The following UBN2 variants were observed in gnomAD, a reference collection of about 807,000 sequenced individuals.
UBN2 encodes ubinuclein-2.
In UBN2, 35 loss-of-function variants were observed where a neutral mutation model predicts 120.2. The ratio of observed to expected loss-of-function variants is 0.29; its 90% CI spans 0.22 to 0.39. UBN2 has a LOEUF of 0.39. Ranked by LOEUF, UBN2 falls within the 10% of genes least tolerant of loss-of-function variation. The pLI is 1.00. For synonymous variants in UBN2, 661 were observed against 648.7 expected (o/e 1.02, Z -0.29); for missense variants, 1,693 against 1,663.2 (o/e 1.02, Z -0.31).
At chr7:139,320,788 G>T in the UBN2 span, among the ~76,000 whole-genome samples, 2 of 151,332 alleles carry the variant, frequency 1.3e-5, no homozygotes, top group African/African-American at 4.9e-5. Flanking sequence ...ACCGGGAGGC[G>T]GAGGTTGCAG....
rs1347989808 is a variant in UBN2, at chr7:139,276,081, C to T, written c.1974-16C>T. 2 of 1,605,080 alleles carry T rather than the reference C, an allele frequency of 1.2e-6. No individual in the cohort carries two copies. Among genetic ancestry groups the T allele is most frequent in the South Asian group, 1.1e-5 (1 of 90,158 alleles). ...CTATAAAGAAAATAATAATTGTGTT[C>T]TTTAAATTTTTCCAGAATGCTTTTT... On this transcript the variant is annotated splice_polypyrimidine_tract_variant and intron_variant, in intron 11 of 17. Transcript: ENST00000473989.
At chr7:139,268,907 A>G (rs571158547) in intron 7 of UBN2, among the ~76,000 whole-genome samples, 5 of 152,314 alleles carry the variant, frequency 3.3e-5, no homozygotes, top group East Asian at 3.8e-4. Context: ...TAGCATTACT[A>G]TTTATTGGTA....
chr7:139,270,288 T>G (rs962423987), intron 8 of UBN2, among the ~76,000 whole-genome samples: 43 of 151,118 alleles, frequency 2.8e-4, no homozygotes, highest in African/African-American at 6.3e-4. Flanking sequence ...TTTTTTTTTT[T>G]TGTGACAGAG....
intron 1 of UBN2, among the ~76,000 whole-genome samples, chr7:139,233,251 C>G (rs1474525254): frequency 6.6e-6 from 1 of 152,174 alleles, no homozygotes; most frequent in Admixed American, 6.5e-5. Flanking sequence ...GTCACTTCCA[C>G]CTAACATTTT....
chr7:139,264,743 C>T (rs572650794), intron 6 of UBN2, among the ~76,000 whole-genome samples: 2 of 152,122 alleles, frequency 1.3e-5, no homozygotes, highest in Non-Finnish European at 2.9e-5. Context: ...GTGCATGCCA[C>T]CACACCCAGC....
At chr7:139,326,002 T>C in the UBN2 span, among the ~76,000 whole-genome samples, 8 of 151,618 alleles carry the variant, frequency 5.3e-5, no homozygotes, top group Non-Finnish European at 1.5e-5. Flanking sequence ...ACCAGCCTGG[T>C]CAACATGGAG....
chr7:139,311,412 G>C (rs116047726), downstream of UBN2, among the ~76,000 whole-genome samples: 490 of 152,326 alleles, frequency 3.2e-3, 1 homozygote, highest in African/African-American at 0.011. Flanking sequence ...AGGGTGGCGT[G>C]GTGTGAAGAA....
chr7:139,326,256 AAAAC>A, the UBN2 span, among the ~76,000 whole-genome samples: 13,667 of 151,594 alleles, frequency 0.09, 1,142 homozygotes, highest in African/African-American at 0.22. Context: ...ACTCTGTCTC[AAAAC>A]AAACAAACAA....
rs756966858 is a variant in UBN2 at position 139,261,354 on chromosome 7, T to A, written c.1008T>A (p.Asp336Glu). ...AMIRKFQKEK[D>E]ALKKESNPKV... ...TTAGAAAATTCCAGAAAGAGAAGGA[T>A]GCATTAAAGAAGGAGTCTAACCCCA... Residue 336 changes from aspartate (D) to glutamate (E), a missense_variant, in exon 6 of 18, where the codon GAT becomes GAA. Coordinates refer to ENST00000473989, the MANE Select transcript of UBN2 (RefSeq NM_173569.4). 3.1e-6 allele frequency: 5 copies of A among 1,614,070 alleles called. No homozygotes were observed. Among genetic ancestry groups the A allele is most frequent in the East Asian group, 4.5e-5 (2 of 44,900 alleles).
At chr7:139,239,093 T>TCCCA (rs1273191474) in intron 2 of UBN2, among the ~76,000 whole-genome samples, 2 of 152,184 alleles carry the variant, frequency 1.3e-5, no homozygotes, top group Non-Finnish European at 2.9e-5. Context: ...ACCCATGGAA[T>TCCCA]CCCACTTCCT....
intron 3 of UBN2, 84 bp from the exon 4 acceptor site, chr7:139,258,404 C>T: frequency 1.8e-6 from 2 of 1,117,994 alleles, no homozygotes; most frequent in Non-Finnish European, 2.4e-6. Context: ...AAGGGAGATG[C>T]TGCCATGGTG....
In UBN2 at chr7:139,243,865, A is replaced by C. The variant is rs560997938; in HGVS notation, c.561+6768A>C. 2.6e-5 allele frequency among the ~76,000 whole-genome samples: 4 copies of C among 152,376 alleles called. No individual in the cohort carries two copies. In the East Asian group the frequency reaches 7.7e-4, roughly 29 times the overall value. Reference sequence around the variant, plus strand: ...AGAGTGAGTTAAGAAAGAGCTACTCAGGTTTGGGTGTGTCAAATACACGTT... The same window carrying C: ...AGAGTGAGTTAAGAAAGAGCTACTCCGGTTTGGGTGTGTCAAATACACGTT... On this transcript the variant is annotated intron_variant, in intron 2 of 17. Transcript: ENST00000473989.
chr7:139,247,897 G>T (rs1054639099), intron 2 of UBN2, among the ~76,000 whole-genome samples: 17 of 152,062 alleles, frequency 1.1e-4, no homozygotes, highest in African/African-American at 3.1e-4. Context: ...GAGGTCCTCT[G>T]TTGAAAAGGT....
intron 6 of UBN2, 145 bp from the exon 7 acceptor site, chr7:139,266,188 T>A (rs892760056): frequency 2.1e-6 from 1 of 486,342 alleles, no homozygotes. Flanking sequence ...AGCCCAGAAG[T>A]TTGATACCAA....
chr7:139,243,956 T>A (rs899227466), intron 2 of UBN2, among the ~76,000 whole-genome samples: 2 of 152,190 alleles, frequency 1.3e-5, no homozygotes, highest in Non-Finnish European at 2.9e-5. Flanking sequence ...TTCAAAACTT[T>A]GGTAGTGAAC....
At position 139,258,552 on chromosome 7, in the gene UBN2, C is replaced by G; in HGVS notation, c.728C>G (p.Thr243Ser). ...KYGGFYINTG[T>S]LQFRQASDTE... The stretch of plus-strand genomic sequence containing the variant: ...GGAGGCTTTTATATCAACACTGGCA[C>G]TCTACAGTTTCGCCAAGCTTCAGAT... The change falls in exon 4 of 18, where the codon ACT (threonine) becomes AGT (serine). Residue 243 changes from threonine (T) to serine (S), a missense_variant. Physicochemically the swap from Thr to Ser is moderately conservative, Grantham distance 58. Transcript: ENST00000473989. 6.2e-7 allele frequency: 1 copy of G among 1,606,458 alleles called. No individual in the cohort carries two copies. The highest frequency in any genetic ancestry group is 8.5e-7 in the Non-Finnish European group (1 of 1,175,964).
At chr7:139,262,063 G>A (rs376406568) in intron 6 of UBN2, among the ~76,000 whole-genome samples, 5 of 151,218 alleles carry the variant, frequency 3.3e-5, no homozygotes, top group South Asian at 2.1e-4. Context: ...GATTACAGGC[G>A]TGAGCCACCG....
At chr7:139,292,638 AAAAT>A (rs1209813406) in intron 15 of UBN2, among the ~76,000 whole-genome samples, 2 of 152,208 alleles carry the variant, frequency 1.3e-5, no homozygotes, top group Non-Finnish European at 2.9e-5. Flanking sequence ...TGGTTATAAA[AAAAT>A]AATAAGTTTC....
rs1210500464 is a variant in UBN2 at position 139,283,548 on chromosome 7, T to G, written c.2643T>G (p.Leu881=). Residue 881 remains leucine (L), a synonymous_variant, in exon 15 of 18, where the codon CTT becomes CTG. Transcript: ENST00000473989. The part of the protein sequence containing the change: ...PLPARLLQQG[L]QRSSQIHTSS... ...CAGCCAGGCTACTTCAACAAGGACT[T>G]CAGAGGTCAAGCCAGATTCACACTT... The G allele has an allele frequency of 6.2e-7, 1 of 1,614,154 alleles. No homozygotes were observed. The highest frequency in any genetic ancestry group is 8.5e-7 in the Non-Finnish European group (1 of 1,180,034).
Sources: allele counts gnomAD v4.1 joint callset (sites outside exome capture counted in the v4.1 genomes callset), GRCh38; gene constraint gnomAD v4.1.1; transcripts MANE v1.5; gene names NCBI Gene and HGNC (gene_info 2026-07-23, HGNC 2026-07-21).